Variants in DISP3 observed in about 807,000 individuals in gnomAD.
The protein encoded by DISP3 is protein dispatched homolog 3.
A neutral mutation model predicts 135.3 loss-of-function variants in DISP3; 101 were observed. The observed-to-expected ratio is 0.75, with a 90% CI of 0.64 to 0.88. DISP3 has a LOEUF of 0.88. DISP3 is among the 40% of genes least tolerant of loss of function. DISP3 has a pLI of 0.00. For missense variants in DISP3, 1,713 were observed against 1,878.6 expected (o/e 0.91, Z 1.63); for synonymous variants, 856 against 817.0 (o/e 1.05, Z -0.81).
In DISP3 at chr1:11,535,585, G is replaced by C. The variant is rs200620988; in HGVS notation, c.3757G>C (p.Val1253Leu). The change falls in exon 20 of 21, where the codon GTC (valine) becomes CTC (leucine). Residue 1253 changes from valine (V) to leucine (L), a missense_variant. By Grantham distance (32) the Val-to-Leu change is conservative. Transcript: ENST00000294484. ...ILVGSSVDYC[V>L]HLVEGYLLAG... ...CGTTGGCTCCTCCGTGGATTACTGCGTCCACCTGGTCGAGGGCTACCTGCT... is the reference window on the plus strand; with the variant it reads ...CGTTGGCTCCTCCGTGGATTACTGCCTCCACCTGGTCGAGGGCTACCTGCT... 1.2e-6 allele frequency: 2 copies of C among 1,613,190 alleles called. No homozygotes were observed. Among genetic ancestry groups the C allele is most frequent in the Non-Finnish European group, 1.7e-6 (2 of 1,179,888 alleles).
chr1:11,480,162 C>T (rs1193952091), intron 1 of DISP3, among the ~76,000 whole-genome samples: 2 of 152,200 alleles, frequency 1.3e-5, no homozygotes, highest in African/African-American at 4.8e-5. Context: ...GGGGGCTTCT[C>T]TTCTCGGCCT....
In DISP3 at chr1:11,519,534, C is replaced by T. The variant is rs1328971355; in HGVS notation, c.2038+31C>T. The T allele has an allele frequency of 1.2e-6, 2 of 1,610,442 alleles. No homozygotes were observed. Among genetic ancestry groups the T allele is most frequent in the Non-Finnish European group, 1.7e-6 (2 of 1,178,334 alleles). On this transcript the variant is annotated intron_variant, in intron 8 of 20. Transcript: ENST00000294484. This position sits in a 1 kb window ranked among gnomAD's most constrained non-coding sequence, Gnocchi z 4.3. ...AGCTGGCACAGGCCTGCCCTACTGA[C>T]CCCAGTGAGACCCAGCGCTGCCTCT...
intron 4 of DISP3, 48 bp downstream of exon 4, chr1:11,514,574 C>A: frequency 6.3e-7 from 1 of 1,589,398 alleles, no homozygotes; most frequent in Non-Finnish European, 8.6e-7. Flanking sequence ...CAGGGTGCTC[C>A]TGTCTGCCCA....
intron 1 of DISP3, among the ~76,000 whole-genome samples, chr1:11,485,103 A>G (rs1322152679): frequency 6.6e-6 from 1 of 152,080 alleles, no homozygotes; most frequent in Non-Finnish European, 1.5e-5. Context: ...CAGAGTCCCC[A>G]TTCCCACCCC....
chr1:11,525,763 A>G (rs1453556784), intron 12 of DISP3, among the ~76,000 whole-genome samples: 1 of 152,072 alleles, frequency 6.6e-6, no homozygotes. Context: ...CCCCGAGCCC[A>G]GACTTGAGTT....
chr1:11,514,639 G>A, intron 4 of DISP3, 113 bp downstream of exon 4: 3 of 1,352,490 alleles, frequency 2.2e-6, no homozygotes, highest in South Asian at 2.7e-5. Context: ...TGTCAGAGCT[G>A]GGGACACAGG....
intron 3 of DISP3, among the ~76,000 whole-genome samples, chr1:11,509,179 T>C (rs2100434014): frequency 6.6e-6 from 1 of 152,292 alleles, no homozygotes; most frequent in African/African-American, 2.4e-5. Flanking sequence ...AAAAGTGTGT[T>C]ATTTAGTTTT....
At chr1:11,513,138 G>A (rs746645622) in intron 3 of DISP3, among the ~76,000 whole-genome samples, 12 of 152,054 alleles carry the variant, frequency 7.9e-5, no homozygotes, top group South Asian at 4.2e-4. Flanking sequence ...AAAAAAAATC[G>A]GCCAGGCATG....
rs538706953 is a variant in DISP3 at position 11,480,761 on chromosome 1, C to G, written c.-4+1389C>G. Reference sequence around the variant, plus strand: ...GCATGGGGATTTAGAGCAAACACCCCCTCCCCACCTCCTACTACTACACCT... The same window carrying G: ...GCATGGGGATTTAGAGCAAACACCCGCTCCCCACCTCCTACTACTACACCT... On this transcript the variant is annotated intron_variant, in intron 1 of 20. Coordinates refer to ENST00000294484, the MANE Select transcript of DISP3 (RefSeq NM_020780.2). Among the ~76,000 whole-genome samples the G allele has an allele frequency of 8.6e-5, 13 of 151,384 alleles. 1 individual carries two copies. The East Asian group carries it at 2.5e-3, about 30-fold the overall frequency.
At chr1:11,497,051 A>G (rs1198128455) in intron 1 of DISP3, among the ~76,000 whole-genome samples, 1 of 152,172 alleles carries the variant, frequency 6.6e-6, no homozygotes, top group Non-Finnish European at 1.5e-5. Context: ...TGATAGACCA[A>G]GAACTCATCA....
intron 13 of DISP3, 77 bp downstream of exon 13, chr1:11,526,912 T>C (rs1376149398): frequency 1.4e-5 from 21 of 1,485,802 alleles, no homozygotes; most frequent in East Asian, 2.4e-5. Flanking sequence ...TTCTCTCTCT[T>C]TTCACATGAG....
intron 3 of DISP3, among the ~76,000 whole-genome samples, chr1:11,511,003 A>C (rs1440329501): frequency 6.6e-6 from 1 of 152,198 alleles, no homozygotes; most frequent in East Asian, 1.9e-4. Context: ...AACCCATCAT[A>C]TCTCATGAGA....
chr1:11,494,904 A>C (rs892196454), intron 1 of DISP3, among the ~76,000 whole-genome samples: 2 of 152,076 alleles, frequency 1.3e-5, no homozygotes, highest in Admixed American at 6.5e-5. Flanking sequence ...GAAGTTATAA[A>C]CAGGACCACA....
intron 1 of DISP3, among the ~76,000 whole-genome samples, chr1:11,490,904 A>G (rs1641165592): frequency 6.6e-6 from 1 of 152,018 alleles, no homozygotes; most frequent in African/African-American, 2.4e-5. Flanking sequence ...TGGATGGTAA[A>G]CTCCCCACCT....
intron 11 of DISP3, 115 bp from the exon 12 acceptor site, chr1:11,525,061 C>T: frequency 2.3e-6 from 3 of 1,323,742 alleles, no homozygotes; most frequent in South Asian, 1.3e-5. Context: ...TTGAGATGAG[C>T]CCAAGGCCAG....
intron 11 of DISP3, 60 bp from the exon 12 acceptor site, chr1:11,525,116 G>C: frequency 6.3e-7 from 1 of 1,592,062 alleles, no homozygotes; most frequent in South Asian, 1.1e-5. Context: ...GCTGCTCCAG[G>C]GTCAGGAGAA....
intron 1 of DISP3, among the ~76,000 whole-genome samples, chr1:11,488,116 T>C (rs1006092584): frequency 3.9e-5 from 6 of 152,186 alleles, no homozygotes; most frequent in Non-Finnish European, 7.3e-5. Context: ...GGGTCTCTCC[T>C]GGCCTTTGGG....
At chr1:11,498,474 C>T (rs1237422666) in intron 1 of DISP3, among the ~76,000 whole-genome samples, 1 of 152,118 alleles carries the variant, frequency 6.6e-6, no homozygotes, top group Non-Finnish European at 1.5e-5. Flanking sequence ...CAAGGATGAG[C>T]GTCCGAAGAG....
chr1:11,519,855 C>A lies in DISP3; in HGVS notation c.2175C>A (p.Ala725=). The A allele has an allele frequency of 6.2e-7, 1 of 1,610,854 alleles. No individual in the cohort carries two copies. The highest frequency in any genetic ancestry group is 8.5e-7 in the Non-Finnish European group (1 of 1,179,316). ...TGCACCACTGGGTCCTGTGGTCAGC[C>A]GTCAAGAGCCGCTGGGTGATTGTGG... ...ELLHHWVLWS[A]VKSRWVIVGL... is the part of the protein sequence containing the mutation. Residue 725 remains alanine (A), a synonymous_variant, in exon 9 of 21, where the codon GCC becomes GCA. Transcript: ENST00000294484. The surrounding 1 kb of genome is among the most constrained non-coding windows in gnomAD (Gnocchi z 4.3).
Sources: allele counts gnomAD v4.1 joint callset (sites outside exome capture counted in the v4.1 genomes callset), GRCh38; gene constraint gnomAD v4.1.1; non-coding constraint Gnocchi (gnomAD v3.1); transcripts MANE v1.5; gene names NCBI Gene and HGNC (gene_info 2026-07-23, HGNC 2026-07-21).